ATP13A2: variants seen among roughly 807,000 people sequenced by gnomAD.
ATP13A2 encodes polyamine-transporting ATPase 13A2.
Under a neutral mutation model 138.3 loss-of-function variants are expected in ATP13A2, and 83 were observed. That is an observed-to-expected ratio of 0.60 (90% confidence interval 0.50 to 0.72). ATP13A2 has a LOEUF of 0.72. Ranked by LOEUF, ATP13A2 falls within the 30% of genes least tolerant of loss-of-function variation. The pLI, the probability that ATP13A2 is intolerant of heterozygous loss-of-function variation, is 0.00. For synonymous variants in ATP13A2, 663 were observed against 699.0 expected (o/e 0.95, Z 0.81); for missense variants, 1,402 against 1,606.4 (o/e 0.87, Z 2.17).
At position 17,004,109 on chromosome 1, in the gene ATP13A2, T is replaced by C. The variant is rs1229395506; in HGVS notation, c.557+223A>G. On this transcript the variant is annotated intron_variant, in intron 6 of 28. Transcript: ENST00000326735. The surrounding 1 kb of genome is among the most constrained non-coding windows in gnomAD (Gnocchi z 4.1). ...GTGCCAAGCTCTACATAAATTATTA[T>C]CTATTTCACCATCAAAACAATCCTA... Among the ~76,000 whole-genome samples the C allele has an allele frequency of 6.6e-6, 1 of 152,210 alleles. No homozygotes were observed. The highest frequency in any genetic ancestry group is 6.5e-5 in the Admixed American group (1 of 15,280).
In ATP13A2 at chr1:16,987,159, C is replaced by T. The variant is rs761421; in HGVS notation, c.2970G>A (p.Val990=). 0.5 allele frequency: 799,264 copies of T among 1,612,896 alleles called. 203,563 individuals carry two copies. Among genetic ancestry groups the T allele is most frequent in the Non-Finnish European group, 0.53 (621,087 of 1,179,622 alleles). ...CGCTGAGCAGCGCCCCCGGTGGCCGCACCCGTCCCAGGACCAGCGCTGGCC... is the reference window on the plus strand; with the variant it reads ...CGCTGAGCAGCGCCCCCGGTGGCCGTACCCGTCCCAGGACCAGCGCTGGCC... ...RTGPALVLGR[V]RPPGALLSVP... The change falls in exon 26 of 29, where the codon GTG becomes GTA. Residue 990 remains valine, a synonymous_variant. Transcript: ENST00000326735.
chr1:17,004,872 C>A lies in ATP13A2; in HGVS notation c.348-51G>T. 6.2e-7 allele frequency: 1 copy of A among 1,613,444 alleles called. No homozygotes were observed. The highest frequency in any genetic ancestry group is 8.5e-7 in the Non-Finnish European group (1 of 1,179,968). The stretch of plus-strand genomic sequence containing the variant: ...TCGAGCTCTGGGAGCTGCCCTGGCA[C>A]CTCCCTGTGCTCACAGAGCCATCTT... On this transcript the variant is annotated intron_variant, in intron 4 of 28. Coordinates refer to ENST00000326735, the MANE Select transcript of ATP13A2 (RefSeq NM_022089.4). The surrounding 1 kb of genome is among the most constrained non-coding windows in gnomAD (Gnocchi z 4.1).
intron 12 of ATP13A2, 139 bp downstream of exon 12, chr1:16,996,881 C>T: frequency 9.0e-7 from 1 of 1,115,276 alleles, no homozygotes; most frequent in Non-Finnish European, 1.3e-6. Context: ...TGGGGGGCAA[C>T]TGGCCCGAGG....
At chr1:17,001,934 T>C in intron 8 of ATP13A2, 100 bp downstream of exon 8, 3 of 1,234,566 alleles carry the variant, frequency 2.4e-6, no homozygotes, top group Non-Finnish European at 3.4e-6. Flanking sequence ...GGACAGCTGG[T>C]CTGGTTGCCA....
At chr1:16,996,693 G>A (rs2077138151) in intron 12 of ATP13A2, 197 bp from the exon 13 acceptor site, 1 of 626,482 alleles carries the variant, frequency 1.6e-6, no homozygotes, top group African/African-American at 1.8e-5. Context: ...GGAACTAGTG[G>A]ATAGCATCTA....
rs763621321 is a variant in ATP13A2, at chr1:17,004,409, C to A, written c.480G>T (p.Lys160Asn). ...KSEEAVSVGQ[K>N]RVLRYYLFQG... Reference sequence around the variant, plus strand: ...GGAAGAGGTAATACCGCAGCACCCGCTTCTGGGTGGGAGAGAGGAGAGGAT... The same window carrying A: ...GGAAGAGGTAATACCGCAGCACCCGATTCTGGGTGGGAGAGAGGAGAGGAT... Residue 160 changes from lysine (K) to asparagine (N), a missense_variant and splice_region_variant, in exon 6 of 29, where the codon AAG becomes AAT. Physicochemically the swap from Lys to Asn is moderately conservative, Grantham distance 94. Coordinates refer to ENST00000326735, the MANE Select transcript of ATP13A2 (RefSeq NM_022089.4). The surrounding 1 kb of genome is among the most constrained non-coding windows in gnomAD (Gnocchi z 4.1). The A allele has an allele frequency of 6.2e-7, 1 of 1,614,044 alleles. No homozygotes were observed. Among genetic ancestry groups the A allele is most frequent in the Non-Finnish European group, 8.5e-7 (1 of 1,179,992 alleles).
chr1:17,004,940 G>C lies in ATP13A2; in HGVS notation c.347+74C>G. 1 of 1,611,924 alleles carries C rather than the reference G, an allele frequency of 6.2e-7. No individual in the cohort carries two copies. The highest frequency in any genetic ancestry group is 8.5e-7 in the Non-Finnish European group (1 of 1,179,340). Reference sequence around the variant, plus strand: ...GGCGCCAGAGTCAGCCTTTATGGGGGGGCCGAGGGTTGGGGAAGTTGGGGA... The same window carrying C: ...GGCGCCAGAGTCAGCCTTTATGGGGCGGCCGAGGGTTGGGGAAGTTGGGGA... On this transcript the variant is annotated intron_variant, in intron 4 of 28. Transcript: ENST00000326735. The surrounding 1 kb of genome is among the most constrained non-coding windows in gnomAD (Gnocchi z 4.1).
At chr1:16,998,997 G>A (rs997174173) in intron 11 of ATP13A2, among the ~76,000 whole-genome samples, 1 of 152,102 alleles carries the variant, frequency 6.6e-6, no homozygotes, top group Non-Finnish European at 1.5e-5. Context: ...AGTGAATGGG[G>A]ACCGCAGTCT....
At position 16,992,566 on chromosome 1, in the gene ATP13A2, G is replaced by T. The variant is rs545326276; in HGVS notation, c.1765C>A (p.Pro589Thr). The T allele has an allele frequency of 5.0e-6, 8 of 1,614,102 alleles. No individual in the cohort carries two copies. Among genetic ancestry groups the T allele is most frequent in the African/African-American group, 4.0e-5 (3 of 74,948 alleles). The change falls in exon 17 of 29, where the codon CCG (proline) becomes ACG (threonine). Residue 589 changes from proline to threonine, a missense_variant. Pro to Thr is a conservative substitution (Grantham distance 38). Transcript: ENST00000326735. ...GTCCCAAATGCTGAGTCTGCAGCCG[G>T]CTCTTCCTCCAGGACCTGGCAGGCA... ...ESTGWVLEEE[P>T]AADSAFGTQV...
At chr1:16,998,655 C>A (rs2077230959) in intron 11 of ATP13A2, among the ~76,000 whole-genome samples, 1 of 152,118 alleles carries the variant, frequency 6.6e-6, no homozygotes, top group South Asian at 2.1e-4. Flanking sequence ...TCAAGAGACA[C>A]AGGACAAAGC....
At chr1:17,000,176 G>A (rs917043451) in intron 10 of ATP13A2, 34 bp from the exon 11 acceptor site, 1 of 1,611,516 alleles carries the variant, frequency 6.2e-7, no homozygotes, top group Non-Finnish European at 8.5e-7. Context: ...TCAGCTAGGT[G>A]GGGCCAGCCC....
chr1:16,988,168 G>A lies in ATP13A2; in HGVS notation c.2829C>T (p.Thr943=). 6.2e-7 allele frequency: 1 copy of A among 1,614,130 alleles called. No homozygotes were observed. The highest frequency in any genetic ancestry group is 8.5e-7 in the Non-Finnish European group (1 of 1,180,002). ...VFKYMALYSL[T]QFISVLILYT... is the part of the protein sequence containing the mutation. Reference sequence around the variant, plus strand: ...AGAGGATCAGGACGGAGATGAACTGGGTCAGGCTGTACAGAGCCATGTACT... The same window carrying A: ...AGAGGATCAGGACGGAGATGAACTGAGTCAGGCTGTACAGAGCCATGTACT... The change falls in exon 25 of 29, where the codon ACC becomes ACT. Residue 943 remains threonine (T), a synonymous_variant. Coordinates refer to ENST00000326735, the MANE Select transcript of ATP13A2 (RefSeq NM_022089.4).
chr1:16,992,025 C>T lies in ATP13A2; in HGVS notation c.2110G>A (p.Ala704Thr). The change falls in exon 19 of 29, where the codon GCC becomes ACC. Residue 704 changes from alanine to threonine, a missense_variant. By Grantham distance (58) the Ala-to-Thr change is moderately conservative. Coordinates refer to ENST00000326735, the MANE Select transcript of ATP13A2 (RefSeq NM_022089.4). Reference protein sequence around the residue: ...PLPTVPSLEAAQQLTRDTVEG... With the variant: ...PLPTVPSLEATQQLTRDTVEG... ...CAGGCCCACCTCGTCAGTTGCTGGG[C>T]TGCCTCCAGGCTGGGCACAGTGGGC... 2 of 1,612,964 alleles carry T rather than the reference C, an allele frequency of 1.2e-6. No homozygotes were observed. Among genetic ancestry groups the T allele is most frequent in the South Asian group, 1.1e-5 (1 of 91,056 alleles).
At position 16,993,730 on chromosome 1, in the gene ATP13A2, G is replaced by A; in HGVS notation, c.1648C>T (p.Pro550Ser). The change falls in exon 16 of 29, where the codon CCC (proline) becomes TCC (serine). Residue 550 changes from proline (P) to serine (S), a missense_variant. By Grantham distance (74) the Pro-to-Ser change is moderately conservative. Transcript: ENST00000326735. ...VPEPRRLPVG[P>S]LLRALATCHA... ...CAGGTGGCCAGTGCTCGGAGCAGGG[G>A]CCCCACAGGCAGGCGGCGAGGCTCT... 6.3e-7 allele frequency: 1 copy of A among 1,594,062 alleles called. No individual in the cohort carries two copies. The highest frequency in any genetic ancestry group is 8.5e-7 in the Non-Finnish European group (1 of 1,171,074).
At chr1:17,005,144 CGG>C in intron 3 of ATP13A2, 72 bp from the exon 4 acceptor site, 1 of 1,593,996 alleles carries the variant, frequency 6.3e-7, no homozygotes, top group Non-Finnish European at 8.6e-7. Flanking sequence ...TACAGCCAGG[CGG>C]CCCCTGCTGG....
rs1413852913 is a variant in ATP13A2, at chr1:17,002,431, C to A, written c.558-58G>T. The A allele has an allele frequency of 8.9e-6, 14 of 1,571,172 alleles. No homozygotes were observed. The East Asian group carries it at 2.5e-4, about 28-fold the overall frequency. On this transcript the variant is annotated intron_variant, in intron 6 of 28. Transcript: ENST00000326735. The stretch of plus-strand genomic sequence containing the variant: ...CATGGGGCCTGAGGTCTGCATCCCC[C>A]ACCCTGTGCAGGCTGGAGACTATGG...
chr1:16,991,644 GC>G, intron 20 of ATP13A2, 89 bp downstream of exon 20: 1 of 1,595,338 alleles, frequency 6.3e-7, no homozygotes, highest in Non-Finnish European at 8.6e-7. Context: ...CCAAAAAGAT[GC>G]CCCAAAAAGG....
rs139759666 is a variant in ATP13A2 at position 17,003,331 on chromosome 1, G to T, written c.558-958C>A. The stretch of plus-strand genomic sequence containing the variant: ...CTAGCACTTTGGGAGGCTGAGGCGG[G>T]TGGATCACCTGAGGTCAGGTATTTG... On this transcript the variant is annotated intron_variant, in intron 6 of 28. Transcript: ENST00000326735. 7.1e-4 allele frequency among the ~76,000 whole-genome samples: 108 copies of T among 152,206 alleles called. 1 individual carries two copies. The highest frequency in any genetic ancestry group is 2.1e-3 in the African/African-American group (87 of 41,540).
chr1:16,991,642 A>T (rs2076934195), intron 20 of ATP13A2, 92 bp downstream of exon 20: 1 of 1,594,446 alleles, frequency 6.3e-7, no homozygotes. Flanking sequence ...GCCCAAAAAG[A>T]TGCCCCAAAA....
Sources: allele counts gnomAD v4.1 joint callset (sites outside exome capture counted in the v4.1 genomes callset), GRCh38; gene constraint gnomAD v4.1.1; non-coding constraint Gnocchi (gnomAD v3.1); transcripts MANE v1.5; gene names NCBI Gene and HGNC (gene_info 2026-07-23, HGNC 2026-07-21).